Variants in NLK observed in about 807,000 individuals in gnomAD.
The protein encoded by NLK is serine/threonine-protein kinase NLK.
Under a neutral mutation model 59.0 loss-of-function variants are expected in NLK, and 11 were observed. The observed-to-expected ratio is 0.19, with a 90% CI of 0.12 to 0.31. The LOEUF is 0.31. Among genes scored for constraint, NLK ranks in the 10% least tolerant of loss-of-function variants. NLK has a pLI of 1.00. For synonymous variants in NLK, 235 were observed against 235.9 expected (o/e 1.00, Z 0.03); for missense variants, 410 against 661.1 (o/e 0.62, Z 4.16).
At chr17:28,066,398 G>A (rs1909825724) in intron 1 of NLK, among the ~76,000 whole-genome samples, 1 of 152,154 alleles carries the variant, frequency 6.6e-6, no homozygotes, top group Non-Finnish European at 1.5e-5. Flanking sequence ...TTATTAACTA[G>A]CAGTTAAGTA....
intron 1 of NLK, among the ~76,000 whole-genome samples, chr17:28,066,085 C>T (rs1445436644): frequency 6.6e-6 from 1 of 152,176 alleles, no homozygotes; most frequent in African/African-American, 2.4e-5. Flanking sequence ...ATCCTGTTCT[C>T]TTCCAGTTTT....
At chr17:28,057,253 C>A (rs1390412420) in intron 1 of NLK, among the ~76,000 whole-genome samples, 1 of 152,170 alleles carries the variant, frequency 6.6e-6, no homozygotes, top group Non-Finnish European at 1.5e-5. Flanking sequence ...CCACGCCCAA[C>A]TGCATTACCT....
intron 1 of NLK, among the ~76,000 whole-genome samples, chr17:28,092,024 C>G (rs1160933652): frequency 6.6e-6 from 1 of 152,132 alleles, no homozygotes; most frequent in Non-Finnish European, 1.5e-5. Flanking sequence ...CAAGAAAGAC[C>G]TGGAAATCAT....
At chr17:28,164,878 G>A (rs1908159399) in intron 5 of NLK, among the ~76,000 whole-genome samples, 1 of 152,120 alleles carries the variant, frequency 6.6e-6, no homozygotes, top group Non-Finnish European at 1.5e-5. Context: ...TCTCTGAACT[G>A]TAGGTCAGTT....
chr17:28,200,717 C>G (rs1909607773), downstream of NLK, among the ~76,000 whole-genome samples: 1 of 152,238 alleles, frequency 6.6e-6, no homozygotes, highest in South Asian at 2.1e-4. Context: ...CTCCTGACCA[C>G]AGGTGATCCA....
At position 28,169,721 on chromosome 17, in the gene NLK, C is replaced by CTTTTTTTT. The variant is rs1193124964; in HGVS notation, c.1047+1075_1047+1082dup. On this transcript the variant is annotated intron_variant, in intron 6 of 10. Coordinates refer to ENST00000407008, the MANE Select transcript of NLK (RefSeq NM_016231.5). ...TCCTTTTTTTTTGCTGCTTCTTCTT[C>CTTTTTTTT]TTTTTTTTTTTTTTTTTTGGCCCCT... Among the ~76,000 whole-genome samples the CTTTTTTTT allele has an allele frequency of 4.3e-3, 475 of 111,502 alleles. 7 individuals are homozygous for CTTTTTTTT. Among genetic ancestry groups the CTTTTTTTT allele is most frequent in the African/African-American group, 0.015 (446 of 29,180 alleles). 73.1% of individuals were successfully genotyped at this position (111,502 alleles called of 152,430 possible). A position where few individuals can be genotyped will look rare whatever the true frequency, so the allele number is the denominator to read the frequency against.
At chr17:28,186,449 T>G (rs1025349956) in intron 8 of NLK, among the ~76,000 whole-genome samples, 1 of 152,248 alleles carries the variant, frequency 6.6e-6, no homozygotes, top group Non-Finnish European at 1.5e-5. Flanking sequence ...GTTGTTTTCT[T>G]TTTTGTTTTT....
At chr17:28,121,336 G>A (rs1318863514) in intron 1 of NLK, among the ~76,000 whole-genome samples, 1 of 148,642 alleles carries the variant, frequency 6.7e-6, no homozygotes, top group African/African-American at 2.4e-5. Flanking sequence ...AAATAAATTG[G>A]ACAGGAATAA....
chr17:28,185,697 C>T (rs1490048250), intron 8 of NLK, among the ~76,000 whole-genome samples: 1 of 152,066 alleles, frequency 6.6e-6, no homozygotes. Context: ...TACAAGCATG[C>T]TCAGCTAATT....
intron 1 of NLK, among the ~76,000 whole-genome samples, chr17:28,083,463 TTTAAAATATAGTG>T (rs1910414383): frequency 6.6e-6 from 1 of 152,196 alleles, no homozygotes; most frequent in African/African-American, 2.4e-5. Flanking sequence ...ATTACATAGA[TTTAAAATATAGTG>T]TCTGAGCCTT....
At chr17:28,142,062 G>A (rs1907020416) in intron 3 of NLK, among the ~76,000 whole-genome samples, 1 of 152,174 alleles carries the variant, frequency 6.6e-6, no homozygotes, top group South Asian at 2.1e-4. Flanking sequence ...GGAGAGAGCT[G>A]AAGTTTAAAA....
At chr17:28,179,531 G>C (rs1475007848) in intron 7 of NLK, among the ~76,000 whole-genome samples, 2 of 148,956 alleles carry the variant, frequency 1.3e-5, no homozygotes, top group African/African-American at 4.9e-5. Context: ...AGGAATTCAA[G>C]ACCAGCCTGG....
intron 1 of NLK, among the ~76,000 whole-genome samples, chr17:28,111,218 G>A (rs1597686961): frequency 6.6e-6 from 1 of 151,416 alleles, no homozygotes; most frequent in African/African-American, 2.4e-5. Context: ...ACAGAGTCTC[G>A]ATCTATTGCC....
At chr17:28,141,449 A>G (rs567817750) in intron 3 of NLK, among the ~76,000 whole-genome samples, 5 of 152,320 alleles carry the variant, frequency 3.3e-5, no homozygotes, top group Admixed American at 6.5e-5. Context: ...CCTCCATTCA[A>G]AATGCTGTTG....
At chr17:28,160,099 C>T (rs80094589) in intron 3 of NLK, among the ~76,000 whole-genome samples, 1 of 152,136 alleles carries the variant, frequency 6.6e-6, no homozygotes, top group Non-Finnish European at 1.5e-5. Context: ...TGGCAGTCTG[C>T]AGCATGGATG....
intron 1 of NLK, among the ~76,000 whole-genome samples, chr17:28,062,317 C>T (rs964835215): frequency 6.6e-6 from 1 of 152,030 alleles, no homozygotes; most frequent in Non-Finnish European, 1.5e-5. Flanking sequence ...TGACCATTTC[C>T]TATCATTTGG....
chr17:28,157,817 G>A (rs1183208860), intron 3 of NLK, among the ~76,000 whole-genome samples: 9 of 152,152 alleles, frequency 5.9e-5, no homozygotes, highest in Admixed American at 2.6e-4. Context: ...TACATACCTT[G>A]TAGAGTTACC....
intron 3 of NLK, among the ~76,000 whole-genome samples, chr17:28,153,182 G>A (rs1278617691): frequency 6.6e-6 from 1 of 151,594 alleles, no homozygotes; most frequent in Non-Finnish European, 1.5e-5. Flanking sequence ...GCCGAGGCAG[G>A]AGAATAGCTT....
chr17:28,142,910 G>A (rs1302745280), intron 3 of NLK, among the ~76,000 whole-genome samples: 1 of 152,174 alleles, frequency 6.6e-6, no homozygotes, highest in East Asian at 1.9e-4. Flanking sequence ...CTTGTCATAA[G>A]AGAATCTGTG....
Sources: gnomAD v4.1 joint callset for allele counts (sites outside exome capture counted in the v4.1 genomes callset) on GRCh38, gnomAD v4.1.1 for gene constraint, MANE v1.5 for transcripts, NCBI Gene and HGNC (gene_info 2026-07-23, HGNC 2026-07-21) for gene names.